The following PLD1 variants were observed in gnomAD, a reference collection of about 807,000 sequenced individuals.
PLD1 encodes phospholipase D1.
Under a neutral mutation model 137.1 loss-of-function variants are expected in PLD1, and 112 were observed. The ratio of observed to expected loss-of-function variants is 0.82; its 90% CI spans 0.70 to 0.96. PLD1 has a LOEUF of 0.96. PLD1 is among the 40% of genes least tolerant of loss of function. The pLI, the probability that PLD1 is intolerant of heterozygous loss-of-function variation, is 0.00. For missense variants in PLD1, 1,321 were observed against 1,342.0 expected, an observed-to-expected ratio of 0.98 and a Z score of 0.24; for synonymous variants, 431 against 454.7, an observed-to-expected ratio of 0.95 and a Z score of 0.66.
At chr3:171,764,876 A>AAGG (rs1721750729) in intron 1 of PLD1, among the ~76,000 whole-genome samples, 3 of 25,516 alleles carry the variant, frequency 1.2e-4, no homozygotes, top group African/African-American at 2.9e-4. Flanking sequence ...AGAAAGAAAG[A>AAGG]AAGAAAGAAA....
At chr3:171,759,551 C>G (rs536519716) in intron 1 of PLD1, among the ~76,000 whole-genome samples, 1 of 151,854 alleles carries the variant, frequency 6.6e-6, no homozygotes, top group East Asian at 1.9e-4. Context: ...AGTAGAAGAA[C>G]AGAAAGGGAA....
At position 171,676,611 on chromosome 3, in the gene PLD1, T is replaced by C. The variant is rs546587510; in HGVS notation, c.2115+104A>G. 3.5e-6 allele frequency: 3 copies of C among 864,346 alleles called. No homozygotes were observed. The East Asian group carries it at 7.3e-5, about 21-fold the overall frequency. 53.5% of individuals were successfully genotyped at this position (864,346 alleles called of 1,614,324 possible). On this transcript the variant is annotated intron_variant, in intron 18 of 26. Transcript: ENST00000351298. The stretch of plus-strand genomic sequence containing the variant: ...CAACAGCAGAGCAGTGACACAGTTG[T>C]GGCCACAACAGTCTCTTCTTGCTAC...
intron 1 of PLD1, among the ~76,000 whole-genome samples, chr3:171,773,376 G>A (rs937159682): frequency 1.8e-4 from 28 of 152,088 alleles, no homozygotes; most frequent in Non-Finnish European, 1.5e-5. Context: ...GGTGGATCAC[G>A]AGTCAGGAGC....
At chr3:171,767,246 C>T (rs76552019) in intron 1 of PLD1, among the ~76,000 whole-genome samples, 5,532 of 152,298 alleles carry the variant, frequency 0.036, 229 homozygotes, top group African/African-American at 0.1. Flanking sequence ...ATTCTCCATA[C>T]GGCCTGGCCA....
At chr3:171,754,613 A>G (rs1055784912) in intron 1 of PLD1, among the ~76,000 whole-genome samples, 5 of 152,158 alleles carry the variant, frequency 3.3e-5, no homozygotes, top group African/African-American at 1.2e-4. Flanking sequence ...TGTCTAACCA[A>G]ACTACTTATT....
intron 1 of PLD1, among the ~76,000 whole-genome samples, chr3:171,801,485 A>G (rs1302883351): frequency 6.6e-6 from 1 of 151,356 alleles, no homozygotes; most frequent in African/African-American, 2.4e-5. Flanking sequence ...CTGGAGTGCT[A>G]TGGCACGATC....
At chr3:171,660,099 A>G (rs1737543361) in intron 20 of PLD1, among the ~76,000 whole-genome samples, 1 of 152,218 alleles carries the variant, frequency 6.6e-6, no homozygotes, top group Non-Finnish European at 1.5e-5. Flanking sequence ...CACATCTGTA[A>G]TTTATAAGGA....
At chr3:171,764,912 GAAAGAAAGAAAGGAAAGA>G (rs770443330) in intron 1 of PLD1, among the ~76,000 whole-genome samples, 14 of 26,900 alleles carry the variant, frequency 5.2e-4, no homozygotes, top group African/African-American at 1.0e-3. Flanking sequence ...AGGAAGGAAG[GAAAGAAAGAAAGGAAAGA>G]AAGGAAAGAA....
intron 9 of PLD1, among the ~76,000 whole-genome samples, chr3:171,710,572 T>G (rs142094066): frequency 6.6e-6 from 1 of 152,142 alleles, no homozygotes; most frequent in African/African-American, 2.4e-5. Context: ...GGAACTCAGG[T>G]GGTAATGCTC....
intron 23 of PLD1, among the ~76,000 whole-genome samples, chr3:171,621,722 C>T (rs1035694524): frequency 6.6e-6 from 1 of 152,096 alleles, no homozygotes; most frequent in Non-Finnish European, 1.5e-5. Context: ...ATTTCTAAAA[C>T]GTTTCATGTA....
At chr3:171,759,833 C>T (rs1721274675) in intron 1 of PLD1, among the ~76,000 whole-genome samples, 2 of 152,168 alleles carry the variant, frequency 1.3e-5, no homozygotes, top group Admixed American at 6.5e-5. Flanking sequence ...CTTGTCTGGC[C>T]ACTTGCTGTT....
Position 171,756,548 on chromosome 3 carries a change from C to T in PLD1, c.-31-18466G>A, listed in dbSNP as rs947328162. On this transcript the variant is annotated intron_variant, in intron 1 of 26. Coordinates refer to ENST00000351298, the MANE Select transcript of PLD1 (RefSeq NM_002662.5). Reference sequence around the variant, plus strand: ...CTGGATGTGTGTCGACGGTGAGGTTCGGGGGGAAGAAAGGATGGAAGGGGT... The same window carrying T: ...CTGGATGTGTGTCGACGGTGAGGTTTGGGGGGAAGAAAGGATGGAAGGGGT... Among the ~76,000 whole-genome samples the T allele has an allele frequency of 2.2e-4, 34 of 151,824 alleles. 1 individual carries two copies. Among genetic ancestry groups the T allele is most frequent in the African/African-American group, 8.0e-4 (33 of 41,294 alleles).
chr3:171,711,589 G>C (rs1717238466), intron 9 of PLD1, among the ~76,000 whole-genome samples: 2 of 152,010 alleles, frequency 1.3e-5, no homozygotes, highest in Admixed American at 1.3e-4. Flanking sequence ...ATCCTTTCAG[G>C]CATTCCTAAG....
chr3:171,689,932 TCTC>T (rs767333108), intron 13 of PLD1, among the ~76,000 whole-genome samples: 2 of 152,228 alleles, frequency 1.3e-5, no homozygotes, highest in South Asian at 2.1e-4. Context: ...AGTCTTCTCT[TCTC>T]CTCAATTTTT....
chr3:171,793,037 ACCAG>A, intron 1 of PLD1: 1 of 237,310 alleles, frequency 4.2e-6, no homozygotes. Flanking sequence ...GGGAACACAA[ACCAG>A]TGAAATTTGC....
intron 24 of PLD1, among the ~76,000 whole-genome samples, chr3:171,615,790 G>C (rs1733053973): frequency 6.6e-6 from 1 of 152,204 alleles, no homozygotes. Flanking sequence ...GTTGCTTCCA[G>C]AGTTTTGCTG....
intron 5 of PLD1, 133 bp from the exon 6 acceptor site, chr3:171,733,642 T>G (rs970126814): frequency 1.8e-6 from 1 of 549,854 alleles, no homozygotes; most frequent in Non-Finnish European, 3.2e-6. Context: ...ATTAATATAA[T>G]CATGGAGCAA....
intron 23 of PLD1, among the ~76,000 whole-genome samples, chr3:171,641,329 A>G (rs528223306): frequency 6.6e-6 from 1 of 152,246 alleles, no homozygotes; most frequent in East Asian, 1.9e-4. Context: ...GATTGTGACA[A>G]CTTTTGTCAG....
chr3:171,704,457 G>GAAAA (rs1362665761), intron 11 of PLD1, among the ~76,000 whole-genome samples: 3,272 of 97,834 alleles, frequency 0.033, 173 homozygotes, highest in African/African-American at 0.15. Context: ...CAAAGAACCA[G>GAAAA]GAAAAAAAAA....
Sources: allele counts gnomAD v4.1 joint callset (sites outside exome capture counted in the v4.1 genomes callset), GRCh38; gene constraint gnomAD v4.1.1; transcripts MANE v1.5; gene names NCBI Gene and HGNC (gene_info 2026-07-23, HGNC 2026-07-21).